MACROD2: variants seen among roughly 807,000 people sequenced by gnomAD.
The protein encoded by MACROD2 is mono-ADP ribosylhydrolase 2, also known as ADP-ribose glycohydrolase MACROD2.
In MACROD2, 36 loss-of-function variants were observed where a neutral mutation model predicts 70.4. That is an observed-to-expected ratio of 0.51 (90% CI 0.39 to 0.68). The LOEUF is 0.68. Ranked by LOEUF, MACROD2 falls within the 30% of genes least tolerant of loss-of-function variation. The pLI is 0.00. For synonymous variants in MACROD2, 172 were observed against 178.8 expected, an observed-to-expected ratio of 0.96 and a Z score of 0.30; for missense variants, 496 against 538.4, an observed-to-expected ratio of 0.92 and a Z score of 0.78.
chr20:16,036,034 A>C (rs2067230845), intron 15 of MACROD2, among the ~76,000 whole-genome samples: 1 of 152,022 alleles, frequency 6.6e-6, no homozygotes, highest in Non-Finnish European at 1.5e-5. Flanking sequence ...CGCATTATCT[A>C]ATCCAATTAC....
At chr20:15,821,354 A>G (rs181956130) in intron 8 of MACROD2, among the ~76,000 whole-genome samples, 44 of 151,666 alleles carry the variant, frequency 2.9e-4, no homozygotes, top group African/African-American at 1.1e-3. Flanking sequence ...CTTGGTTGTA[A>G]TTTGTATTTC....
chr20:14,337,332 G>GTTTC (rs369578312), intron 3 of MACROD2: 8 of 330,778 alleles, frequency 2.4e-5, no homozygotes, highest in African/African-American at 1.3e-4. Context: ...GTATCAAGTC[G>GTTTC]TTTCTTTCTA....
chr20:15,191,199 G>T (rs1159510947), intron 5 of MACROD2, among the ~76,000 whole-genome samples: 1 of 152,122 alleles, frequency 6.6e-6, no homozygotes, highest in African/African-American at 2.4e-5. Flanking sequence ...ATGTACCTCA[G>T]AATTGTCCCT....
At chr20:14,304,027 A>G (rs2082498616) in intron 3 of MACROD2, among the ~76,000 whole-genome samples, 1 of 152,140 alleles carries the variant, frequency 6.6e-6, no homozygotes. Context: ...TGTCTTTATT[A>G]TTCTGTACCA....
chr20:14,180,879 T>G (rs2081299928), intron 3 of MACROD2, among the ~76,000 whole-genome samples: 2 of 152,140 alleles, frequency 1.3e-5, no homozygotes, highest in South Asian at 4.1e-4. Context: ...TAAAGTTATT[T>G]TTTATAAATA....
At chr20:15,149,984 C>A (rs534677593) in intron 5 of MACROD2, among the ~76,000 whole-genome samples, 13 of 152,076 alleles carry the variant, frequency 8.5e-5, no homozygotes, top group African/African-American at 3.1e-4. Flanking sequence ...GTTAGGATGG[C>A]AAAACCAGGT....
intron 3 of MACROD2, among the ~76,000 whole-genome samples, chr20:14,181,007 ATTTC>A (rs1156961074): frequency 2.1e-4 from 32 of 151,116 alleles, no homozygotes; most frequent in Non-Finnish European, 1.5e-5. Context: ...TTATCTTTCT[ATTTC>A]TTTTCTGTAG....
At chr20:15,819,211 A>T (rs1314597396) in intron 8 of MACROD2, among the ~76,000 whole-genome samples, 2 of 142,818 alleles carry the variant, frequency 1.4e-5, no homozygotes, top group South Asian at 4.2e-4. Flanking sequence ...ATATTTATAT[A>T]TATAAAAATA....
intron 8 of MACROD2, among the ~76,000 whole-genome samples, chr20:15,739,267 T>C (rs1453077013): frequency 6.6e-6 from 1 of 152,196 alleles, no homozygotes; most frequent in African/African-American, 2.4e-5. Context: ...CAGAAGTGCT[T>C]TCAAAACAAA....
chr20:15,527,015 C>A (rs1432084721), intron 8 of MACROD2, among the ~76,000 whole-genome samples: 2 of 152,120 alleles, frequency 1.3e-5, no homozygotes, highest in Non-Finnish European at 2.9e-5. Context: ...TAACAGTTGT[C>A]GTGGGTGAAT....
intron 5 of MACROD2, among the ~76,000 whole-genome samples, chr20:15,198,224 G>A (rs2145924085): frequency 6.6e-6 from 1 of 152,224 alleles, no homozygotes. Flanking sequence ...CTCCCAGAGT[G>A]TTTGAATTAC....
intron 4 of MACROD2, among the ~76,000 whole-genome samples, chr20:14,637,762 T>G (rs943066893): frequency 2.6e-5 from 4 of 152,190 alleles, no homozygotes; most frequent in African/African-American, 7.2e-5. Flanking sequence ...GTGTGAATTT[T>G]TTTTTTCCAA....
intron 3 of MACROD2, among the ~76,000 whole-genome samples, chr20:14,087,077 C>A (rs1157573549): frequency 6.6e-6 from 1 of 152,124 alleles, no homozygotes; most frequent in Non-Finnish European, 1.5e-5. Context: ...GAATACCGGT[C>A]AGCTTGTTGT....
At chr20:15,826,159 A>T (rs576887831) in intron 8 of MACROD2, among the ~76,000 whole-genome samples, 135 of 152,364 alleles carry the variant, frequency 8.9e-4, no homozygotes, top group Middle Eastern at 3.4e-3. Context: ...GTAATTCTTA[A>T]TTTAAAGAAA....
chr20:14,462,854 G>T (rs1008767357), intron 3 of MACROD2, among the ~76,000 whole-genome samples: 3 of 151,920 alleles, frequency 2.0e-5, no homozygotes, highest in African/African-American at 4.8e-5. Flanking sequence ...TAGATATGCG[G>T]CATTATTTCT....
rs768543966 is a variant in MACROD2 at position 15,481,802 on chromosome 20, A to G, written c.572-17972A>G. Among the ~76,000 whole-genome samples, 10 of 152,240 alleles carry G rather than the reference A, an allele frequency of 6.6e-5. 1 individual carries two copies. The highest frequency in any genetic ancestry group is 1.5e-4 in the Non-Finnish European group (10 of 68,046). On this transcript the variant is annotated intron_variant, in intron 7 of 17. Transcript: ENST00000684519. The stretch of plus-strand genomic sequence containing the variant: ...CCTGCAGTTAAGAGAGAAGGTGACT[A>G]TGCAGAAATAAATTCTAAGACAGGG...
chr20:15,619,285 A>G (rs1014457265), intron 8 of MACROD2, among the ~76,000 whole-genome samples: 6 of 152,218 alleles, frequency 3.9e-5, no homozygotes, highest in Non-Finnish European at 7.3e-5. Context: ...GTTTTAAACT[A>G]TCAACTATAA....
At chr20:14,301,911 C>A (rs888868988) in intron 3 of MACROD2, among the ~76,000 whole-genome samples, 8 of 152,096 alleles carry the variant, frequency 5.3e-5, no homozygotes, top group African/African-American at 1.9e-4. Context: ...ACTGTGAAAT[C>A]TGTAAGTTCT....
intron 13 of MACROD2, among the ~76,000 whole-genome samples, chr20:15,978,638 T>TA (rs2066349414): frequency 6.6e-6 from 1 of 150,938 alleles, no homozygotes; most frequent in Non-Finnish European, 1.5e-5. Flanking sequence ...CAGCTAACCT[T>TA]ACAACTTTGA....
Sources: gnomAD v4.1 joint callset for allele counts (sites outside exome capture counted in the v4.1 genomes callset) on GRCh38, gnomAD v4.1.1 for gene constraint, MANE v1.5 for transcripts, NCBI Gene and HGNC (gene_info 2026-07-23, HGNC 2026-07-21) for gene names.